Variants in DOCK10 observed in about 807,000 individuals in gnomAD.
DOCK10 encodes the protein dedicator of cytokinesis protein 10.
Under a neutral mutation model 280.1 loss-of-function variants are expected in DOCK10, and 145 were observed. That is an observed-to-expected ratio of 0.52 (90% CI 0.45 to 0.59). DOCK10 has a LOEUF of 0.59. Ranked by LOEUF, DOCK10 falls within the 20% of genes least tolerant of loss-of-function variation. The pLI is 0.00. For synonymous variants in DOCK10, 915 were observed against 942.2 expected, an observed-to-expected ratio of 0.97 and a Z score of 0.53; for missense variants, 2,368 against 2,651.7, an observed-to-expected ratio of 0.89 and a Z score of 2.35.
At chr2:224,925,263 G>T (rs1181267442) in intron 2 of DOCK10, among the ~76,000 whole-genome samples, 3 of 151,762 alleles carry the variant, frequency 2.0e-5, no homozygotes, top group Admixed American at 2.0e-4. Flanking sequence ...TCCTTTCCTA[G>T]AATGACCCTT....
chr2:224,818,447 G>A (rs899015255), intron 29 of DOCK10, among the ~76,000 whole-genome samples: 4 of 141,546 alleles, frequency 2.8e-5, no homozygotes, highest in Middle Eastern at 3.9e-3. Flanking sequence ...CGCCCAGGTT[G>A]GAATGCAGTG....
At chr2:224,935,921 C>A (rs538125923) in intron 1 of DOCK10, among the ~76,000 whole-genome samples, 1 of 152,096 alleles carries the variant, frequency 6.6e-6, no homozygotes, top group East Asian at 1.9e-4. Context: ...AAGATTTATA[C>A]GAGGATGTCT....
At chr2:224,783,367 A>T (rs1476170655) in intron 50 of DOCK10, among the ~76,000 whole-genome samples, 1 of 150,274 alleles carries the variant, frequency 6.7e-6, no homozygotes, top group African/African-American at 2.5e-5. Context: ...CTCCACCTCC[A>T]GGGTTCACGC....
rs117345215 is a variant in DOCK10 at position 224,868,043 on chromosome 2, T to C, written c.1258-2956A>G. 3.3e-3 allele frequency among the ~76,000 whole-genome samples: 501 copies of C among 151,572 alleles called. 22 individuals are homozygous for C. The East Asian group carries it at 0.089, about 27-fold the overall frequency. Reference sequence around the variant, plus strand: ...GGGCTGAAGAGCTGGGCCTGAGAGGTTTTTTTTGTGTGTGGGGTCCTGTTG... The same window carrying C: ...GGGCTGAAGAGCTGGGCCTGAGAGGCTTTTTTTGTGTGTGGGGTCCTGTTG... On this transcript the variant is annotated intron_variant, in intron 11 of 55. Transcript: ENST00000258390.
At chr2:224,967,200 C>G (rs1237473154) in intron 1 of DOCK10, among the ~76,000 whole-genome samples, 3 of 152,084 alleles carry the variant, frequency 2.0e-5, no homozygotes, top group Non-Finnish European at 4.4e-5. Flanking sequence ...CTGCCTCAGC[C>G]TCCCGAGTAG....
chr2:224,983,986 A>G (rs565498259), intron 1 of DOCK10, among the ~76,000 whole-genome samples: 1 of 152,116 alleles, frequency 6.6e-6, no homozygotes, highest in Admixed American at 6.5e-5. Flanking sequence ...TTGAATATCT[A>G]TATCTAATGG....
At chr2:224,847,235 G>A (rs1413307358) in intron 19 of DOCK10, among the ~76,000 whole-genome samples, 1 of 152,056 alleles carries the variant, frequency 6.6e-6, no homozygotes, top group African/African-American at 2.4e-5. Flanking sequence ...GCCCTGCCAC[G>A]TACACCATCA....
intron 1 of DOCK10, among the ~76,000 whole-genome samples, chr2:224,986,614 T>G (rs1031661523): frequency 6.6e-6 from 1 of 151,568 alleles, no homozygotes; most frequent in South Asian, 2.1e-4. Context: ...ACACCAGCTC[T>G]CTCTCTCTCT....
chr2:224,983,305 A>G (rs2126257669), intron 1 of DOCK10: 1 of 157,044 alleles, frequency 6.4e-6, no homozygotes, highest in East Asian at 1.8e-4. Flanking sequence ...ATGCTTAGAA[A>G]TCACGTGTCC....
intron 1 of DOCK10, among the ~76,000 whole-genome samples, chr2:224,997,822 A>G (rs563239499): frequency 6.6e-6 from 1 of 152,276 alleles, no homozygotes; most frequent in Non-Finnish European, 1.5e-5. Context: ...CAAACACGCA[A>G]TATGGTTCAA....
At chr2:224,777,320 G>A (rs942579418) in intron 51 of DOCK10, among the ~76,000 whole-genome samples, 3 of 152,156 alleles carry the variant, frequency 2.0e-5, no homozygotes, top group South Asian at 2.1e-4. Context: ...TGAGGGTGTC[G>A]CTAAAGGAGA....
chr2:224,895,005 C>T (rs768286739), intron 4 of DOCK10, among the ~76,000 whole-genome samples: 15 of 152,218 alleles, frequency 9.9e-5, no homozygotes, highest in African/African-American at 1.4e-4. Flanking sequence ...CATCTTATTA[C>T]GCCCCTTTCA....
chr2:225,037,518 C>T (rs1690293692), intron 1 of DOCK10, among the ~76,000 whole-genome samples: 1 of 152,124 alleles, frequency 6.6e-6, no homozygotes. Flanking sequence ...TGGAAGGTAA[C>T]CCCTCCAGTT....
intron 1 of DOCK10, among the ~76,000 whole-genome samples, chr2:224,949,998 A>C (rs947405054): frequency 2.6e-5 from 4 of 152,234 alleles, no homozygotes; most frequent in South Asian, 4.1e-4. Flanking sequence ...TGAAGGTAGA[A>C]GTCAGGAGCT....
intron 30 of DOCK10, among the ~76,000 whole-genome samples, chr2:224,815,099 T>C (rs1486450650): frequency 6.6e-6 from 1 of 152,158 alleles, no homozygotes; most frequent in Non-Finnish European, 1.5e-5. Flanking sequence ...GGTGATTTGA[T>C]CATGGGGACA....
intron 3 of DOCK10, among the ~76,000 whole-genome samples, chr2:224,906,231 A>G (rs1288345052): frequency 1.3e-5 from 2 of 152,102 alleles, no homozygotes; most frequent in East Asian, 1.9e-4. Flanking sequence ...CAGTACCACA[A>G]TCGCATAGCC....
intron 1 of DOCK10, among the ~76,000 whole-genome samples, chr2:224,971,358 C>A (rs1440179143): frequency 6.6e-6 from 1 of 151,404 alleles, no homozygotes; most frequent in Non-Finnish European, 1.5e-5. Context: ...GTGGGCATGG[C>A]CAGATTGCAG....
At chr2:224,966,454 A>G (rs1026631079) in intron 1 of DOCK10, among the ~76,000 whole-genome samples, 6 of 152,200 alleles carry the variant, frequency 3.9e-5, no homozygotes, top group African/African-American at 1.4e-4. Flanking sequence ...TAAGATTTAT[A>G]TAAGACTGAC....
Position 224,795,060 on chromosome 2 carries a change from G to C in DOCK10, c.4973C>G (p.Thr1658Ser). 1 of 1,613,942 alleles carries C rather than the reference G, an allele frequency of 6.2e-7. No homozygotes were observed. Among genetic ancestry groups the C allele is most frequent in the Non-Finnish European group, 8.5e-7 (1 of 1,179,852 alleles). ...SNFPAEVKDL[T>S]KRIRTVLMAT... ...CATCAAAACAGTCCTTATACGCTTAGTCAGGTCCTTCACCTCTGCTGGGAA... is the reference window on the plus strand; with the variant it reads ...CATCAAAACAGTCCTTATACGCTTACTCAGGTCCTTCACCTCTGCTGGGAA... Residue 1658 changes from threonine (T) to serine (S), a missense_variant, in exon 45 of 56, where the codon ACT becomes AGT. Transcript: ENST00000258390.
Sources: gnomAD v4.1 joint callset for allele counts (sites outside exome capture counted in the v4.1 genomes callset) on GRCh38, gnomAD v4.1.1 for gene constraint, MANE v1.5 for transcripts, NCBI Gene and HGNC (gene_info 2026-07-23, HGNC 2026-07-21) for gene names.